The following SECISBP2L variants were observed in gnomAD, a reference collection of about 807,000 sequenced individuals.
SECISBP2L encodes the protein SECIS binding protein 2 like.
SECISBP2L carries 43 observed loss-of-function variants against 114.7 expected under a neutral mutation model. That is an observed-to-expected ratio of 0.38 (90% CI 0.29 to 0.48). The LOEUF is 0.48. Among genes scored for constraint, SECISBP2L ranks in the 20% least tolerant of loss-of-function variants. The probability of loss-of-function intolerance (pLI) is 0.98; values close to 1 mark genes in which losing one functional copy is unlikely to be tolerated. For synonymous variants in SECISBP2L, 451 were observed against 439.7 expected (o/e 1.03, Z -0.32); for missense variants, 1,136 against 1,301.1 (o/e 0.87, Z 1.95).
intron 11 of SECISBP2L, among the ~76,000 whole-genome samples, chr15:49,015,253 GCTAA>G (rs1387315277): frequency 6.6e-6 from 1 of 152,058 alleles, no homozygotes; most frequent in East Asian, 1.9e-4. Flanking sequence ...CCAGAACACT[GCTAA>G]CTCTCAGTTT....
At position 48,992,717 on chromosome 15, in the gene SECISBP2L, C is replaced by T. The variant is rs772983096; in HGVS notation, c.2833G>A (p.Glu945Lys). The change falls in exon 18 of 18, where the codon GAA becomes AAA. Residue 945 changes from glutamate (E) to lysine (K), a missense_variant. By Grantham distance (56) the Glu-to-Lys change is moderately conservative. Coordinates refer to ENST00000559471, the MANE Select transcript of SECISBP2L (RefSeq NM_001193489.2). ...AGKSTASDKEEVKPDDLEWAS... is the reference protein window; with the variant it reads ...AGKSTASDKEKVKPDDLEWAS... The stretch of plus-strand genomic sequence containing the variant: ...CATTCCAGGTCATCTGGCTTCACTT[C>T]CTCTTTATCACTTGCTGTGGATTTC... 2 of 1,614,072 alleles carry T rather than the reference C, an allele frequency of 1.2e-6. No individual in the cohort carries two copies. The highest frequency in any genetic ancestry group is 1.7e-5 in the Admixed American group (1 of 59,996).
Position 49,011,606 on chromosome 15 carries a change from A to T in SECISBP2L, c.1864+125T>A. The T allele has an allele frequency of 1.8e-6, 2 of 1,135,508 alleles. 1 individual carries two copies. The highest frequency in any genetic ancestry group is 2.5e-6 in the Non-Finnish European group (2 of 805,796). 70.3% of individuals were successfully genotyped at this position (1,135,508 alleles called of 1,614,324 possible). A position where few individuals can be genotyped will look rare whatever the true frequency, so the allele number is the denominator to read the frequency against. ...TTTAAAAGAAACCACTCTGAAGAAT[A>T]AAGAGATTTATGTAAAATATGGAGC... is the stretch of plus-strand genomic sequence containing the variant. On this transcript the variant is annotated intron_variant, in intron 13 of 17. Transcript: ENST00000559471.
In SECISBP2L at chr15:49,019,555, A is replaced by G; in HGVS notation, c.1036-3T>C. The G allele has an allele frequency of 6.8e-7, 1 of 1,465,002 alleles. No homozygotes were observed. Among genetic ancestry groups the G allele is most frequent in the Non-Finnish European group, 8.9e-7 (1 of 1,120,872 alleles). 90.8% of individuals were successfully genotyped at this position (1,465,002 alleles called of 1,614,324 possible). A position where few individuals can be genotyped will look rare whatever the true frequency, so the allele number is the denominator to read the frequency against. ...TGTCCTCGGCATCTGAATCCAACCT[A>G]AGTAAACCCCAGAGGGGAAAAAAAA... On this transcript the variant is annotated splice_region_variant and splice_polypyrimidine_tract_variant and intron_variant, in intron 7 of 17. Transcript: ENST00000559471.
intron 6 of SECISBP2L, 83 bp from the exon 7 acceptor site, chr15:49,027,563 TCAGTCAC>T: frequency 1.3e-6 from 1 of 753,378 alleles, no homozygotes; most frequent in South Asian, 2.3e-5. Flanking sequence ...ATACTGAAAT[TCAGTCAC>T]TAGAAATGTA....
rs772021884 is a variant in SECISBP2L, at chr15:48,992,719, T to C, written c.2831A>G (p.Glu944Gly). The change falls in exon 18 of 18, where the codon GAG (glutamate) becomes GGG (glycine). Residue 944 changes from glutamate (E) to glycine (G), a missense_variant. Glu to Gly is a moderately conservative substitution (Grantham distance 98). Coordinates refer to ENST00000559471, the MANE Select transcript of SECISBP2L (RefSeq NM_001193489.2). ...TTCCAGGTCATCTGGCTTCACTTCC[T>C]CTTTATCACTTGCTGTGGATTTCCC... Reference protein sequence around the residue: ...SAGKSTASDKEEVKPDDLEWA... With the variant: ...SAGKSTASDKGEVKPDDLEWA... 22 of 1,614,110 alleles carry C rather than the reference T, an allele frequency of 1.4e-5. 2 individuals are homozygous for C. The South Asian group carries it at 2.4e-4, about 18-fold the overall frequency.
At chr15:49,006,481 A>T (rs559910606) in intron 14 of SECISBP2L, among the ~76,000 whole-genome samples, 2 of 151,946 alleles carry the variant, frequency 1.3e-5, no homozygotes, top group South Asian at 4.2e-4. Flanking sequence ...TGTCTTCACG[A>T]TTTATTTCAT....
Position 49,043,500 on chromosome 15 carries a change from C to T in SECISBP2L, c.24+2776G>A, listed in dbSNP as rs188002894. Reference sequence around the variant, plus strand: ...CCTCAAGTGTTCTGTCACTTCTAAGCCCATTGTTTACTTTAAAAAATCTCA... The same window carrying T: ...CCTCAAGTGTTCTGTCACTTCTAAGTCCATTGTTTACTTTAAAAAATCTCA... On this transcript the variant is annotated intron_variant, in intron 1 of 17. Coordinates refer to ENST00000559471, the MANE Select transcript of SECISBP2L (RefSeq NM_001193489.2). 1.4e-4 allele frequency among the ~76,000 whole-genome samples: 22 copies of T among 152,136 alleles called. No individual in the cohort carries two copies. The East Asian group carries it at 3.3e-3, about 23-fold the overall frequency.
intron 4 of SECISBP2L, among the ~76,000 whole-genome samples, chr15:49,031,378 CAT>C: frequency 6.6e-6 from 1 of 152,198 alleles, no homozygotes; most frequent in South Asian, 2.1e-4. Context: ...CTATACATCC[CAT>C]ATGTCTTCTC....
At chr15:49,013,616 G>C (rs1327506810) in intron 11 of SECISBP2L, among the ~76,000 whole-genome samples, 2 of 152,092 alleles carry the variant, frequency 1.3e-5, no homozygotes, top group Non-Finnish European at 2.9e-5. Flanking sequence ...TTTATGTCTG[G>C]TTGATACCCT....
intron 7 of SECISBP2L, among the ~76,000 whole-genome samples, chr15:49,023,457 A>T (rs1417686337): frequency 6.6e-6 from 1 of 152,230 alleles, no homozygotes; most frequent in African/African-American, 2.4e-5. Flanking sequence ...CACTTTCCAC[A>T]TTGTTGCTGA....
Position 49,012,760 on chromosome 15 carries a change from T to C in SECISBP2L, c.1619A>G (p.Lys540Arg), listed in dbSNP as rs1303151123. 2 of 1,613,986 alleles carry C rather than the reference T, an allele frequency of 1.2e-6. No individual in the cohort carries two copies. ...KDSTNRKPLT[K>R]SQPCLTSFNS... is the part of the protein sequence containing the mutation. ...AAAGGATGTCAAACAGGGCTGACTT[T>C]TGGTTAAAGGTTTTCTATTAGTAGA... Residue 540 changes from lysine (K) to arginine (R), a missense_variant, in exon 12 of 18, where the codon AAA becomes AGA. Around this residue, in one of 2 missense-constraint regions of SECISBP2L, gnomAD observed 684 missense variants for 848.7 expected, o/e 0.81. Transcript: ENST00000559471.
intron 14 of SECISBP2L, among the ~76,000 whole-genome samples, chr15:49,002,093 C>G (rs1160270244): frequency 6.6e-6 from 1 of 152,194 alleles, no homozygotes; most frequent in East Asian, 1.9e-4. Context: ...AAAAGCATTC[C>G]TATTTCTCCG....
chr15:49,013,849 A>G (rs1485007109), intron 11 of SECISBP2L, among the ~76,000 whole-genome samples: 1 of 152,036 alleles, frequency 6.6e-6, no homozygotes, highest in Admixed American at 6.6e-5. Context: ...ATCTAACTCT[A>G]TTCCTATACC....
rs370976228 is a variant in SECISBP2L, at chr15:49,037,775, A to G, written c.25-6T>C. The stretch of plus-strand genomic sequence containing the variant: ...TCAGCTGACAGCTTGACATTCTTCA[A>G]AGAGAAAGTAGAATACATTAATAAC... On this transcript the variant is annotated splice_region_variant and splice_polypyrimidine_tract_variant and intron_variant, in intron 1 of 17. Transcript: ENST00000559471. 34 of 1,592,260 alleles carry G rather than the reference A, an allele frequency of 2.1e-5. No homozygotes were observed. Among genetic ancestry groups the G allele is most frequent in the Non-Finnish European group, 8.6e-7 (1 of 1,166,976 alleles).
At chr15:49,021,190 C>T (rs1902634420) in intron 7 of SECISBP2L, among the ~76,000 whole-genome samples, 1 of 152,134 alleles carries the variant, frequency 6.6e-6, no homozygotes. Context: ...CACCTATGAA[C>T]CACAAAGCAG....
intron 17 of SECISBP2L, 121 bp downstream of exon 17, chr15:48,996,246 A>G: frequency 3.0e-6 from 3 of 999,460 alleles, no homozygotes; most frequent in Non-Finnish European, 4.4e-6. Context: ...CAATGTTTTA[A>G]ACCAAATTTC....
At chr15:48,993,694 T>C (rs1483856201) in intron 17 of SECISBP2L, among the ~76,000 whole-genome samples, 1 of 151,650 alleles carries the variant, frequency 6.6e-6, no homozygotes, top group Non-Finnish European at 1.5e-5. Context: ...ATAATATATA[T>C]ATATATATAG....
intron 14 of SECISBP2L, among the ~76,000 whole-genome samples, chr15:49,003,790 G>A (rs1052561988): frequency 6.6e-6 from 1 of 152,156 alleles, no homozygotes; most frequent in African/African-American, 2.4e-5. Flanking sequence ...AGATGAAGCC[G>A]ACTTGATCGT....
At chr15:49,004,806 C>A (rs533498259) in intron 14 of SECISBP2L, among the ~76,000 whole-genome samples, 98 of 152,266 alleles carry the variant, frequency 6.4e-4, no homozygotes, top group African/African-American at 2.4e-3. Context: ...CTGTTTGTTA[C>A]AATTTCCATT....
Sources: allele counts gnomAD v4.1 joint callset (sites outside exome capture counted in the v4.1 genomes callset), GRCh38; gene constraint gnomAD v4.1.1; regional missense constraint gnomAD v4.1.1; transcripts MANE v1.5; gene names NCBI Gene and HGNC (gene_info 2026-07-23, HGNC 2026-07-21).